TLK1: variants seen among roughly 807,000 people sequenced by gnomAD.
TLK1 encodes the protein tousled like kinase 1, also known as serine/threonine-protein kinase tousled-like 1.
In TLK1, 24 loss-of-function variants were observed where a neutral mutation model predicts 105.3. That is an observed-to-expected ratio of 0.23 (90% CI 0.17 to 0.32). The LOEUF (loss-of-function observed/expected upper bound fraction) is 0.32. Ranked by LOEUF, TLK1 falls within the 10% of genes least tolerant of loss-of-function variation. The pLI is 1.00. For synonymous variants in TLK1, 321 were observed against 310.4 expected, an observed-to-expected ratio of 1.03 and a Z score of -0.36; for missense variants, 558 against 910.5, an observed-to-expected ratio of 0.61 and a Z score of 4.98.
chr2:171,163,892 A>AT (rs1235904479), upstream of TLK1, among the ~76,000 whole-genome samples: 3 of 152,028 alleles, frequency 2.0e-5, no homozygotes, highest in Non-Finnish European at 4.4e-5. Context: ...TGCCCGGCTA[A>AT]TTTTTTGTAT....
At chr2:171,215,561 A>T (rs1693697916) in intron 1 of TLK1, among the ~76,000 whole-genome samples, 2 of 152,214 alleles carry the variant, frequency 1.3e-5, no homozygotes, top group Non-Finnish European at 2.9e-5. Flanking sequence ...AGGTCATTTT[A>T]AGTTGAAATC....
In TLK1 at chr2:171,008,162, T is replaced by C. The variant is rs193074531; in HGVS notation, c.1417-1099A>G. 1.2e-3 allele frequency among the ~76,000 whole-genome samples: 180 copies of C among 152,240 alleles called. 1 individual carries two copies. Among genetic ancestry groups the C allele is most frequent in the Non-Finnish European group, 1.3e-3 (86 of 67,968 alleles). ...AACTATAAAAGTATGAGATCAGATATAATATAGCACACAGTTGTTAAGAAT... is the reference window on the plus strand; with the variant it reads ...AACTATAAAAGTATGAGATCAGATACAATATAGCACACAGTTGTTAAGAAT... On this transcript the variant is annotated intron_variant, in intron 14 of 20. Transcript: ENST00000431350.
intron 1 of TLK1, among the ~76,000 whole-genome samples, chr2:171,206,209 T>C (rs1183230134): frequency 3.9e-5 from 6 of 152,224 alleles, no homozygotes; most frequent in Admixed American, 1.3e-4. Context: ...CATTGTGTCA[T>C]AGTTTAATTA....
chr2:171,050,773 T>G (rs1687200743), intron 8 of TLK1, among the ~76,000 whole-genome samples: 1 of 152,188 alleles, frequency 6.6e-6, no homozygotes, highest in Non-Finnish European at 1.5e-5. Flanking sequence ...CCTTCTAACA[T>G]CAAAAGATGA....
intron 2 of TLK1, among the ~76,000 whole-genome samples, chr2:171,084,082 C>T (rs1281688138): frequency 6.6e-6 from 1 of 152,062 alleles, no homozygotes; most frequent in Non-Finnish European, 1.5e-5. Context: ...GAATCCCCCT[C>T]AAAACATCAG....
intron 1 of TLK1, among the ~76,000 whole-genome samples, chr2:171,212,308 C>A (rs1481020317): frequency 1.3e-5 from 2 of 149,134 alleles, no homozygotes. Flanking sequence ...TCACCTCCCC[C>A]ACCGCCCCCA....
At chr2:171,070,977 AGAT>A (rs1688227416) in intron 3 of TLK1, among the ~76,000 whole-genome samples, 1 of 152,208 alleles carries the variant, frequency 6.6e-6, no homozygotes, top group African/African-American at 2.4e-5. Context: ...AACTGGGGTG[AGAT>A]GATATCTCAT....
intron 1 of TLK1, among the ~76,000 whole-genome samples, chr2:171,196,268 C>A (rs1216478883): frequency 6.6e-6 from 1 of 151,888 alleles, no homozygotes; most frequent in African/African-American, 2.4e-5. Context: ...AGGTGCCCAC[C>A]ACCATGCCCA....
intron 8 of TLK1, among the ~76,000 whole-genome samples, chr2:171,050,612 CTCTTA>C (rs1687191912): frequency 6.6e-6 from 1 of 152,184 alleles, no homozygotes; most frequent in African/African-American, 2.4e-5. Context: ...TTTCCTCTAT[CTCTTA>C]TAACTAACAA....
Position 171,098,035 on chromosome 2 carries a change from T to G in TLK1, c.259-15183A>C, listed in dbSNP as rs549248771. 5.3e-5 allele frequency among the ~76,000 whole-genome samples: 8 copies of G among 152,236 alleles called. No individual in the cohort carries two copies. The South Asian group carries it at 1.7e-3, about 32-fold the overall frequency. Reference sequence around the variant, plus strand: ...TAAAAGAAGCCAGTTAAATACTGCATGATCTCACATGTGAAATCTCATGAA... The same window carrying G: ...TAAAAGAAGCCAGTTAAATACTGCAGGATCTCACATGTGAAATCTCATGAA... On this transcript the variant is annotated intron_variant, in intron 2 of 20. Transcript: ENST00000431350.
chr2:170,999,730 C>T (rs1366415622), intron 18 of TLK1, among the ~76,000 whole-genome samples: 1 of 152,100 alleles, frequency 6.6e-6, no homozygotes, highest in African/African-American at 2.4e-5. Flanking sequence ...GAGGCACTGA[C>T]CCATGCAGTT....
chr2:171,113,434 CTAATTTT>C (rs1397254654), intron 2 of TLK1, among the ~76,000 whole-genome samples: 7 of 152,018 alleles, frequency 4.6e-5, no homozygotes, highest in Non-Finnish European at 8.8e-5. Context: ...CCATGCCCAG[CTAATTTT>C]TTGTATTTTT....
chr2:171,155,243 C>A (rs1160164418), intron 1 of TLK1, among the ~76,000 whole-genome samples: 1 of 152,106 alleles, frequency 6.6e-6, no homozygotes, highest in Non-Finnish European at 1.5e-5. Context: ...ATTTCTCTTA[C>A]AAAATTGAAA....
intron 1 of TLK1, 81 bp from the exon 2 acceptor site, chr2:171,117,938 ATTAG>A (rs1690503293): frequency 6.6e-6 from 6 of 908,130 alleles, no homozygotes; most frequent in Non-Finnish European, 9.3e-6. Context: ...TATATATGTG[ATTAG>A]TTAAGATGTT....
At chr2:171,222,478 A>G (rs1693826567) in intron 1 of TLK1, among the ~76,000 whole-genome samples, 1 of 152,094 alleles carries the variant, frequency 6.6e-6, no homozygotes, top group African/African-American at 2.4e-5. Context: ...CCAAAGGCGC[A>G]CATCACCATG....
intron 12 of TLK1, among the ~76,000 whole-genome samples, chr2:171,020,985 C>T (rs960499250): frequency 6.6e-6 from 1 of 152,160 alleles, no homozygotes; most frequent in African/African-American, 2.4e-5. Flanking sequence ...GTGTGTTCAA[C>T]TAGCTTAGAT....
intron 1 of TLK1, among the ~76,000 whole-genome samples, chr2:171,229,094 C>G (rs987106273): frequency 1.3e-5 from 2 of 152,190 alleles, no homozygotes; most frequent in Non-Finnish European, 2.9e-5. Flanking sequence ...GGTCTTACAT[C>G]TTTTGTTTTC....
intron 1 of TLK1, among the ~76,000 whole-genome samples, chr2:171,184,877 C>T (rs1376985510): frequency 6.6e-6 from 1 of 151,982 alleles, no homozygotes; most frequent in East Asian, 1.9e-4. Context: ...CTTGCTCTGT[C>T]ACCCAGGCTG....
chr2:171,072,557 A>G (rs1405115537), intron 3 of TLK1, among the ~76,000 whole-genome samples: 1 of 152,004 alleles, frequency 6.6e-6, no homozygotes, highest in African/African-American at 2.4e-5. Flanking sequence ...CAAGAGTTTG[A>G]GGCCAGCCTG....
Sources: allele counts gnomAD v4.1 joint callset (sites outside exome capture counted in the v4.1 genomes callset), GRCh38; gene constraint gnomAD v4.1.1; transcripts MANE v1.5; gene names NCBI Gene and HGNC (gene_info 2026-07-23, HGNC 2026-07-21).